Variants in PXDNL observed in about 807,000 individuals in gnomAD.
PXDNL encodes the protein peroxidasin like, also known as probable oxidoreductase PXDNL.
PXDNL carries 145 observed loss-of-function variants against 150.8 expected under a neutral mutation model. The ratio of observed to expected loss-of-function variants is 0.96; its 90% CI spans 0.84 to 1.10. The LOEUF (loss-of-function observed/expected upper bound fraction) is 1.10. Ranked by LOEUF, PXDNL falls within the 50% of genes least tolerant of loss-of-function variation. The pLI, the probability that PXDNL is intolerant of heterozygous loss-of-function variation, is 0.00. For missense variants in PXDNL, 2,087 were observed against 1,873.9 expected (o/e 1.11, Z -2.10); for synonymous variants, 757 against 725.7 (o/e 1.04, Z -0.69).
chr8:51,423,705 A>C lies in PXDNL; in HGVS notation c.1665T>G (p.Gly555=). 1 of 1,613,802 alleles carries C rather than the reference A, an allele frequency of 6.2e-7. No individual in the cohort carries two copies. Among genetic ancestry groups the C allele is most frequent in the African/African-American group, 1.3e-5 (1 of 75,050 alleles). The change falls in exon 14 of 23, where the codon GGT becomes GGG. Residue 555 remains glycine (G), a synonymous_variant. Coordinates refer to ENST00000356297, the MANE Select transcript of PXDNL (RefSeq NM_144651.5). ...NKEGVQITES[G]KFHVDDEGTL... ...TGCCTTCATCATCCACATGGAATTT[A>C]CCACTCTCAGTAATCTGCACACCTT...
intron 3 of PXDNL, among the ~76,000 whole-genome samples, chr8:51,565,206 C>G (rs1055537916): frequency 2.6e-5 from 4 of 151,600 alleles, no homozygotes; most frequent in Admixed American, 6.6e-5. Flanking sequence ...AACTCAGTCA[C>G]ACAACATACA....
At chr8:51,332,373 G>A (rs1277535119) in intron 21 of PXDNL, among the ~76,000 whole-genome samples, 2 of 152,154 alleles carry the variant, frequency 1.3e-5, no homozygotes, top group Admixed American at 6.5e-5. Context: ...CCACTCAAAT[G>A]AGAAGGAACC....
intron 21 of PXDNL, among the ~76,000 whole-genome samples, chr8:51,329,962 T>A (rs1327050415): frequency 1.3e-5 from 2 of 152,164 alleles, no homozygotes; most frequent in African/African-American, 4.8e-5. Context: ...ACAAATGGTA[T>A]AGATTAGTCT....
intron 1 of PXDNL, among the ~76,000 whole-genome samples, chr8:51,789,186 C>A (rs1489825485): frequency 6.7e-6 from 1 of 149,696 alleles, no homozygotes; most frequent in East Asian, 1.9e-4. Context: ...TTTCTCTCCT[C>A]ATTGTACCCA....
intron 2 of PXDNL, among the ~76,000 whole-genome samples, chr8:51,640,276 C>T (rs1439014081): frequency 6.6e-6 from 1 of 152,178 alleles, no homozygotes; most frequent in Non-Finnish European, 1.5e-5. Flanking sequence ...TGGAAGCATT[C>T]CCTTTGAAAA....
Position 51,408,474 on chromosome 8 carries a change from A to C in PXDNL, c.3150T>G (p.Thr1050=). 1 of 1,613,840 alleles carries C rather than the reference A, an allele frequency of 6.2e-7. No homozygotes were observed. The highest frequency in any genetic ancestry group is 2.2e-5 in the East Asian group (1 of 44,884). ...VNAGIINSFA[T]AAFRFGHTLI... ...ATGTGTGGCCAAATCTAAAGGCTGC[A>C]GTAGCAAAAGAGTTAATGATGCCTG... Residue 1050 remains threonine, a synonymous_variant, in exon 17 of 23, where the codon ACT becomes ACG. Coordinates refer to ENST00000356297, the MANE Select transcript of PXDNL (RefSeq NM_144651.5).
At chr8:51,644,845 C>T (rs1475069100) in intron 2 of PXDNL, among the ~76,000 whole-genome samples, 2 of 151,594 alleles carry the variant, frequency 1.3e-5, no homozygotes, top group Non-Finnish European at 2.9e-5. Context: ...CAGAAAAGGG[C>T]CCCAGGCTGA....
intron 21 of PXDNL, among the ~76,000 whole-genome samples, chr8:51,329,520 C>A (rs1478425854): frequency 2.0e-5 from 3 of 152,078 alleles, no homozygotes; most frequent in Non-Finnish European, 2.9e-5. Context: ...AGGGAAAAAA[C>A]ACAGTTTTAA....
At chr8:51,579,382 T>C (rs1468574391) in intron 3 of PXDNL, among the ~76,000 whole-genome samples, 4 of 152,016 alleles carry the variant, frequency 2.6e-5, no homozygotes, top group Non-Finnish European at 5.9e-5. Context: ...AAGTATAAAC[T>C]AGAACTGCAA....
At chr8:51,546,446 G>A (rs1362378931) in intron 4 of PXDNL, among the ~76,000 whole-genome samples, 6 of 152,192 alleles carry the variant, frequency 3.9e-5, no homozygotes, top group Admixed American at 3.9e-4. Context: ...AAAGAGCCCT[G>A]TAGGCACTCC....
intron 1 of PXDNL, among the ~76,000 whole-genome samples, chr8:51,699,510 A>G (rs1816207189): frequency 6.6e-6 from 1 of 152,174 alleles, no homozygotes; most frequent in Non-Finnish European, 1.5e-5. Context: ...AACTTTCTTC[A>G]TATTAGCAAT....
At chr8:51,534,860 C>T (rs1424821214) in intron 4 of PXDNL, among the ~76,000 whole-genome samples, 1 of 121,138 alleles carries the variant, frequency 8.3e-6, no homozygotes, top group Non-Finnish European at 1.7e-5. Flanking sequence ...ATCAGCCCCC[C>T]GCCTGGCCAG....
At chr8:51,398,160 A>G (rs79944989) in intron 17 of PXDNL, among the ~76,000 whole-genome samples, 3,803 of 152,304 alleles carry the variant, frequency 0.025, 190 homozygotes, top group African/African-American at 0.085. Flanking sequence ...AAGACTGGGG[A>G]GCCTGAGAAG....
chr8:51,501,689 C>T (rs1466826019), intron 4 of PXDNL, among the ~76,000 whole-genome samples: 1 of 152,152 alleles, frequency 6.6e-6, no homozygotes, highest in African/African-American at 2.4e-5. Context: ...CACATATATG[C>T]TCACATACAC....
intron 21 of PXDNL, among the ~76,000 whole-genome samples, chr8:51,337,916 C>G (rs1175654100): frequency 6.9e-6 from 1 of 145,508 alleles, no homozygotes; most frequent in African/African-American, 2.6e-5. Flanking sequence ...CAGTGGCTCA[C>G]ACCTGTAGTC....
At chr8:51,641,131 C>T (rs899737262) in intron 2 of PXDNL, among the ~76,000 whole-genome samples, 4 of 151,074 alleles carry the variant, frequency 2.6e-5, no homozygotes, top group Non-Finnish European at 5.9e-5. Flanking sequence ...ATAAATGGTG[C>T]TGGGAAAACT....
chr8:51,452,935 A>AACACATACACAC (rs60146365), intron 10 of PXDNL, among the ~76,000 whole-genome samples: 5,165 of 142,658 alleles, frequency 0.036, 249 homozygotes, highest in East Asian at 0.23. Context: ...CACACACACA[A>AACACATACACAC]ACACACACAC....
At chr8:51,757,732 G>A (rs1392924912) in intron 1 of PXDNL, among the ~76,000 whole-genome samples, 1 of 152,106 alleles carries the variant, frequency 6.6e-6, no homozygotes, top group African/African-American at 2.4e-5. Flanking sequence ...TTTTATATGG[G>A]TCATGCTTGA....
At chr8:51,650,101 C>CAAAA (rs11451376) in intron 2 of PXDNL, among the ~76,000 whole-genome samples, 1,464 of 113,096 alleles carry the variant, frequency 0.013, 44 homozygotes, top group African/African-American at 0.046. Flanking sequence ...GACTTTGTCT[C>CAAAA]AAAAAAAAAA....
Sources: allele counts gnomAD v4.1 joint callset (sites outside exome capture counted in the v4.1 genomes callset), GRCh38; gene constraint gnomAD v4.1.1; transcripts MANE v1.5; gene names NCBI Gene and HGNC (gene_info 2026-07-23, HGNC 2026-07-21).